Variants in ACTN4 observed in about 807,000 individuals in gnomAD.
ACTN4 encodes the protein alpha-actinin-4.
In ACTN4, 18 loss-of-function variants were observed where a neutral mutation model predicts 114.2. That is an observed-to-expected ratio of 0.16 (90% confidence interval 0.11 to 0.23). The LOEUF (loss-of-function observed/expected upper bound fraction) is 0.23, where lower values mean the gene tolerates loss of function less well. Among genes scored for constraint, ACTN4 ranks in the 10% least tolerant of loss-of-function variants. The pLI is 1.00. For missense variants in ACTN4, 722 were observed against 1,262.9 expected (o/e 0.57, Z 6.49); for synonymous variants, 515 against 506.3 (o/e 1.02, Z -0.23).
chr19:38,729,043 T>C lies in ACTN4; in HGVS notation c.2466T>C (p.His822=). 1.2e-6 allele frequency: 2 copies of C among 1,613,340 alleles called. No individual in the cohort carries two copies. The highest frequency in any genetic ancestry group is 1.7e-6 in the Non-Finnish European group (2 of 1,179,954). ...NRIMSLVDPN[H]SGLVTFQAFI... is the part of the protein sequence containing the mutation. ...TCATGAGCCTGGTCGACCCCAACCATAGCGGCCTTGTGACCTTCCAAGCCT... is the reference window on the plus strand; with the variant it reads ...TCATGAGCCTGGTCGACCCCAACCACAGCGGCCTTGTGACCTTCCAAGCCT... Residue 822 remains histidine, a synonymous_variant, in exon 20 of 21, where the codon CAT becomes CAC. Transcript: ENST00000252699.
At position 38,647,761 on chromosome 19, in the gene ACTN4, G is replaced by A; in HGVS notation, c.16G>A (p.Ala6Thr). The stretch of plus-strand genomic sequence containing the variant: ...AGGCGGCGGAATGGTGGACTACCAC[G>A]CGGCGAACCAGTCGTACCAGTACGG... Reference protein sequence around the residue: MVDYHAANQSYQYGPS... With the variant: MVDYHTANQSYQYGPS... Residue 6 changes from alanine to threonine, a missense_variant, in exon 1 of 21, where the codon GCG becomes ACG. Physicochemically the swap from Ala to Thr is moderately conservative, Grantham distance 58 (BLOSUM62 0). Around this residue, in one of 3 missense-constraint regions of ACTN4, gnomAD observed 72 missense variants for 75.6 expected, o/e 0.95. Coordinates refer to ENST00000252699, the MANE Select transcript of ACTN4 (RefSeq NM_004924.6). The A allele has an allele frequency of 1.3e-6, 2 of 1,551,516 alleles. No homozygotes were observed. Among genetic ancestry groups the A allele is most frequent in the Admixed American group, 1.9e-5 (1 of 51,916 alleles).
At chr19:38,700,506 C>T in intron 1 of ACTN4, 94 bp from the exon 2 acceptor site, 2 of 1,023,438 alleles carry the variant, frequency 2.0e-6, no homozygotes, top group South Asian at 2.5e-5. Context: ...AGCTGCGGTT[C>T]TCCTGAGGTC....
chr19:38,682,638 G>A (rs927066611), intron 1 of ACTN4, among the ~76,000 whole-genome samples: 3 of 152,178 alleles, frequency 2.0e-5, no homozygotes, highest in African/African-American at 7.2e-5. Flanking sequence ...GGATTGGGGC[G>A]GCGTTCTCCG....
chr19:38,662,500 TCTC>T (rs1976918553), intron 1 of ACTN4, among the ~76,000 whole-genome samples: 1 of 152,202 alleles, frequency 6.6e-6, no homozygotes, highest in African/African-American at 2.4e-5. Context: ...AGGTTTCCAT[TCTC>T]CTGGCAGCAT....
At chr19:38,696,173 G>C (rs114364837) in intron 1 of ACTN4, among the ~76,000 whole-genome samples, 1 of 152,282 alleles carries the variant, frequency 6.6e-6, no homozygotes, top group Admixed American at 6.5e-5. Flanking sequence ...TCCTAAGGGC[G>C]TTATTTCTGG....
intron 3 of ACTN4, among the ~76,000 whole-genome samples, 169 bp downstream of exon 3, chr19:38,701,290 G>A (rs1019606012): frequency 6.6e-6 from 1 of 152,174 alleles, no homozygotes; most frequent in African/African-American, 2.4e-5. Flanking sequence ...TTGATATGAT[G>A]CTGGGCCCAC....
intron 1 of ACTN4, among the ~76,000 whole-genome samples, chr19:38,695,849 G>A (rs543017568): frequency 1.5e-3 from 224 of 150,992 alleles, no homozygotes; most frequent in African/African-American, 5.0e-3. Flanking sequence ...CCCCCACCCC[G>A]CCACCATGCT....
rs998399793 is a variant in ACTN4 at position 38,731,401 on chromosome 19, A to C, written c.*1969A>C. On this transcript the variant is annotated 3_prime_UTR_variant, in exon 21 of 21. Transcript: ENST00000252699. ...TTCAATCCTCTGGGCCTGTTTCCTC[A>C]TCCATCAAACGGACTAAGACAGCCC... 2 of 624,714 alleles carry C rather than the reference A, an allele frequency of 3.2e-6. No homozygotes were observed. Among genetic ancestry groups the C allele is most frequent in the African/African-American group, 1.8e-5 (1 of 55,212 alleles). 38.7% of individuals were successfully genotyped at this position (624,714 alleles called of 1,614,324 possible).
chr19:38,650,737 GTTGT>G (rs578119525), intron 1 of ACTN4, among the ~76,000 whole-genome samples: 57 of 152,156 alleles, frequency 3.7e-4, no homozygotes, highest in Admixed American at 1.6e-3. Flanking sequence ...GGCTGGCTGG[GTTGT>G]TTGTTTGTTT....
chr19:38,700,035 A>AGCCTGAGCTCCT (rs1294375172), intron 1 of ACTN4, among the ~76,000 whole-genome samples: 1 of 152,172 alleles, frequency 6.6e-6, no homozygotes, highest in Non-Finnish European at 1.5e-5. Flanking sequence ...GGAACGTAGC[A>AGCCTGAGCTCCT]GCCTGAGCTC....
chr19:38,651,049 A>G (rs962117404), intron 1 of ACTN4, among the ~76,000 whole-genome samples: 3 of 152,082 alleles, frequency 2.0e-5, no homozygotes, highest in Non-Finnish European at 4.4e-5. Context: ...GGTTTTTTCT[A>G]CATTGCAGTG....
At chr19:38,722,268 C>A (rs899118987) in intron 12 of ACTN4, among the ~76,000 whole-genome samples, 2 of 152,146 alleles carry the variant, frequency 1.3e-5, no homozygotes, top group Non-Finnish European at 2.9e-5. Context: ...AGCAGCAGGG[C>A]GGGCCCAGGC....
intron 12 of ACTN4, 25 bp from the exon 13 acceptor site, chr19:38,723,589 T>C: frequency 6.4e-7 from 1 of 1,563,166 alleles, no homozygotes; most frequent in Non-Finnish European, 8.8e-7. Flanking sequence ...TTGCCGAGTC[T>C]CATTGCTCTC....
chr19:38,697,219 G>A (rs938892055), intron 1 of ACTN4, among the ~76,000 whole-genome samples: 3 of 152,214 alleles, frequency 2.0e-5, no homozygotes, highest in African/African-American at 7.2e-5. Context: ...CCCAAGCGGC[G>A]AGGTTTGTTC....
chr19:38,710,670 A>G (rs1299854987), intron 8 of ACTN4, among the ~76,000 whole-genome samples: 1 of 152,190 alleles, frequency 6.6e-6, no homozygotes, highest in Non-Finnish European at 1.5e-5. Flanking sequence ...ATGGGGCCAG[A>G]TGGGGGACAG....
intron 1 of ACTN4, among the ~76,000 whole-genome samples, chr19:38,655,714 C>T (rs1220124740): frequency 6.6e-6 from 1 of 152,160 alleles, no homozygotes; most frequent in Non-Finnish European, 1.5e-5. Flanking sequence ...ATTGAAAATA[C>T]AGTCATTTCT....
chr19:38,703,260 T>C (rs1365742199), intron 3 of ACTN4, among the ~76,000 whole-genome samples: 1 of 141,340 alleles, frequency 7.1e-6, no homozygotes, highest in East Asian at 2.1e-4. Flanking sequence ...TTTTTTGAGA[T>C]GGAATCTCAC....
chr19:38,652,317 A>G (rs961098208), intron 1 of ACTN4, among the ~76,000 whole-genome samples: 1 of 152,032 alleles, frequency 6.6e-6, no homozygotes, highest in African/African-American at 2.4e-5. Context: ...AGCTGCTAGC[A>G]CTCTGTTCTC....
chr19:38,667,727 T>G (rs1599772432), intron 1 of ACTN4, among the ~76,000 whole-genome samples: 2 of 152,014 alleles, frequency 1.3e-5, no homozygotes, highest in East Asian at 3.9e-4. Flanking sequence ...AAAAACCATT[T>G]TGGAGAACTA....
Sources: allele counts gnomAD v4.1 joint callset (sites outside exome capture counted in the v4.1 genomes callset), GRCh38; gene constraint gnomAD v4.1.1; regional missense constraint gnomAD v4.1.1; transcripts MANE v1.5; gene names NCBI Gene and HGNC (gene_info 2026-07-23, HGNC 2026-07-21).